ETS1: variants seen among roughly 807,000 people sequenced by gnomAD.
ETS1 encodes ETS proto-oncogene 1, transcription factor, also known as protein C-ets-1.
ETS1 carries 15 observed loss-of-function variants against 58.6 expected under a neutral mutation model. The ratio of observed to expected loss-of-function variants is 0.26; its 90% CI spans 0.17 to 0.39. The LOEUF is 0.39. Among genes scored for constraint, ETS1 ranks in the 10% least tolerant of loss-of-function variants. The pLI is 1.00. For synonymous variants in ETS1, 214 were observed against 218.2 expected (o/e 0.98, Z 0.17); for missense variants, 417 against 610.5 (o/e 0.68, Z 3.34).
intron 5 of ETS1, among the ~76,000 whole-genome samples, chr11:128,487,698 G>A (rs558196206): frequency 5.3e-5 from 8 of 151,908 alleles, no homozygotes; most frequent in Middle Eastern, 3.4e-3. Context: ...GACATCGCGC[G>A]ACTGCACTCC....
chr11:128,502,450 A>G (rs1591623209), intron 3 of ETS1, among the ~76,000 whole-genome samples: 2 of 152,192 alleles, frequency 1.3e-5, no homozygotes, highest in East Asian at 3.9e-4. Flanking sequence ...GGTCAACTCT[A>G]TGGTTTCTGA....
At chr11:128,565,058 A>AAATAAATAAAATAAAT (rs374454292) in intron 2 of ETS1, among the ~76,000 whole-genome samples, 1 of 142,746 alleles carries the variant, frequency 7.0e-6, no homozygotes, top group Non-Finnish European at 1.6e-5. Context: ...ATAAATAAAT[A>AAATAAATAAAATAAAT]AAATAAATGT....
chr11:128,522,433 G>T (rs953749898), intron 3 of ETS1: 2 of 826,912 alleles, frequency 2.4e-6, no homozygotes, highest in East Asian at 2.4e-4. Context: ...CCGCTTGGGG[G>T]AGCGAGGGGC....
chr11:128,461,252 G>C lies in ETS1; in HGVS notation c.*1109C>G, dbSNP rs1292860234. 1 of 152,740 alleles carries C rather than the reference G, an allele frequency of 6.5e-6. No homozygotes were observed. Among genetic ancestry groups the C allele is most frequent in the Non-Finnish European group, 1.5e-5 (1 of 68,034 alleles). The allele number at this position is 152,740 out of a possible 1,614,324, so 9.5% of individuals were successfully genotyped here. Reference sequence around the variant, plus strand: ...ACATGCATTCAGGACTTATTTCTTAGGACCTGAGGGGTAATGCCCATGCAT... The same window carrying C: ...ACATGCATTCAGGACTTATTTCTTACGACCTGAGGGGTAATGCCCATGCAT... On this transcript the variant is annotated 3_prime_UTR_variant, in exon 10 of 10. Transcript: ENST00000392668.
At chr11:128,578,519 C>T (rs1269750597) in intron 1 of ETS1, among the ~76,000 whole-genome samples, 9 of 151,836 alleles carry the variant, frequency 5.9e-5, no homozygotes, top group Non-Finnish European at 1.3e-4. Flanking sequence ...GCAGTTTTTG[C>T]CAAACTAATA....
intron 3 of ETS1, among the ~76,000 whole-genome samples, chr11:128,502,479 T>G (rs1863116632): frequency 6.6e-6 from 1 of 152,162 alleles, no homozygotes; most frequent in Admixed American, 6.5e-5. Flanking sequence ...TCTTATTAGG[T>G]CTGTTAATTA....
At chr11:128,478,758 G>A (rs1162026812) in intron 8 of ETS1, among the ~76,000 whole-genome samples, 2 of 152,092 alleles carry the variant, frequency 1.3e-5, no homozygotes, top group South Asian at 2.1e-4. Context: ...TGGCACTCTT[G>A]TACTTCCTGA....
chr11:128,580,283 T>G (rs751398390), intron 1 of ETS1, among the ~76,000 whole-genome samples: 7 of 151,914 alleles, frequency 4.6e-5, no homozygotes, highest in Non-Finnish European at 8.8e-5. Context: ...GGCACTTTTC[T>G]CTAAACTATA....
chr11:128,545,586 T>C (rs549329528), intron 3 of ETS1, among the ~76,000 whole-genome samples: 1 of 152,348 alleles, frequency 6.6e-6, no homozygotes, highest in Non-Finnish European at 1.5e-5. Context: ...ACAGAAGGCA[T>C]TTAATGAATG....
chr11:128,539,430 T>C (rs1275176121), intron 3 of ETS1, among the ~76,000 whole-genome samples: 5 of 152,140 alleles, frequency 3.3e-5, no homozygotes, highest in African/African-American at 7.2e-5. Flanking sequence ...GAATGACTGG[T>C]AAACACGTGA....
At chr11:128,474,481 T>G (rs1470766271) in intron 8 of ETS1, among the ~76,000 whole-genome samples, 2 of 152,168 alleles carry the variant, frequency 1.3e-5, no homozygotes, top group African/African-American at 2.4e-5. Flanking sequence ...CATACAAAAC[T>G]AATTAGATAG....
intron 3 of ETS1, among the ~76,000 whole-genome samples, chr11:128,500,003 G>A (rs766082389): frequency 5.3e-5 from 8 of 152,186 alleles, no homozygotes; most frequent in Non-Finnish European, 1.2e-4. Context: ...CTCCCACGCA[G>A]GAAACAAACA....
At chr11:128,473,705 T>C (rs1862248093) in intron 8 of ETS1, among the ~76,000 whole-genome samples, 1 of 152,174 alleles carries the variant, frequency 6.6e-6, no homozygotes, top group African/African-American at 2.4e-5. Flanking sequence ...CACATGCAAG[T>C]CACCTTAGGG....
At chr11:128,515,703 GT>G (rs1213698660) in intron 3 of ETS1, among the ~76,000 whole-genome samples, 1 of 152,022 alleles carries the variant, frequency 6.6e-6, no homozygotes, top group Admixed American at 6.6e-5. Flanking sequence ...AGTTTGGGTG[GT>G]AAATTATACG....
At chr11:128,542,720 T>A (rs769534919) in intron 3 of ETS1, among the ~76,000 whole-genome samples, 3 of 151,472 alleles carry the variant, frequency 2.0e-5, no homozygotes, top group Non-Finnish European at 4.4e-5. Flanking sequence ...GGTTACAGAG[T>A]CAAGAGAAAG....
intron 3 of ETS1, among the ~76,000 whole-genome samples, chr11:128,531,944 C>A (rs1462405567): frequency 1.3e-5 from 2 of 152,184 alleles, no homozygotes; most frequent in Non-Finnish European, 2.9e-5. Flanking sequence ...TCACAGAAGT[C>A]TTTTTCTATG....
intron 3 of ETS1, chr11:128,526,184 G>C (rs960123429): frequency 1.3e-5 from 2 of 152,264 alleles, no homozygotes; most frequent in African/African-American, 4.8e-5. Flanking sequence ...TTGGGGGAGA[G>C]GGGAGGACTT....
Position 128,578,376 on chromosome 11 carries a change from T to C in ETS1, c.-14-5232A>G, listed in dbSNP as rs181324971. Among the ~76,000 whole-genome samples, 556 of 152,274 alleles carry C rather than the reference T, an allele frequency of 3.7e-3. 4 individuals are homozygous for C. The highest frequency in any genetic ancestry group is 5.0e-3 in the Non-Finnish European group (343 of 68,016). ...GACCCTGCTTGGCTGTATTTCTAGA[T>C]AACTTTGACATCAGTTAAGCCTTTT... On this transcript the variant is annotated intron_variant, in intron 1 of 9. Coordinates refer to ENST00000392668, the MANE Select transcript of ETS1 (RefSeq NM_001143820.2).
chr11:128,545,107 A>G (rs1253820649), intron 3 of ETS1, among the ~76,000 whole-genome samples: 1 of 152,204 alleles, frequency 6.6e-6, no homozygotes, highest in Non-Finnish European at 1.5e-5. Flanking sequence ...CTGAATGCCC[A>G]ACAAAGGAAA....
Sources: gnomAD v4.1 joint callset for allele counts (sites outside exome capture counted in the v4.1 genomes callset) on GRCh38, gnomAD v4.1.1 for gene constraint, MANE v1.5 for transcripts, NCBI Gene and HGNC (gene_info 2026-07-23, HGNC 2026-07-21) for gene names.